The following LMO7 variants were observed in gnomAD, a reference collection of about 807,000 sequenced individuals.
The protein encoded by LMO7 is LIM domain 7.
A neutral mutation model predicts 206.5 loss-of-function variants in LMO7; 120 were observed. The ratio of observed to expected loss-of-function variants is 0.58; its 90% CI spans 0.50 to 0.68. The LOEUF is 0.68. Among genes scored for constraint, LMO7 ranks in the 30% least tolerant of loss-of-function variants. The probability of loss-of-function intolerance (pLI) is 0.00; values close to 1 mark genes in which losing one functional copy is unlikely to be tolerated. For synonymous variants in LMO7, 706 were observed against 681.5 expected, an observed-to-expected ratio of 1.04 and a Z score of -0.56; for missense variants, 1,959 against 1,957.9, an observed-to-expected ratio of 1.00 and a Z score of -0.01.
intron 1 of LMO7, among the ~76,000 whole-genome samples, chr13:75,709,300 T>TGG (rs1486775687): frequency 6.6e-6 from 1 of 152,240 alleles, no homozygotes; most frequent in Non-Finnish European, 1.5e-5. Flanking sequence ...TATAATCCTT[T>TGG]GGGTATATAC....
rs7988661 is a variant in LMO7 at position 75,853,211 on chromosome 13, C to T, written c.4484C>T (p.Pro1495Leu). 14 of 1,613,900 alleles carry T rather than the reference C, an allele frequency of 8.7e-6. No individual in the cohort carries two copies. Among genetic ancestry groups the T allele is most frequent in the South Asian group, 1.1e-5 (1 of 91,080 alleles). ...TCTGTGCAAGACTTTAGTCGCCCACCACCTCAGCTGGTGTCCACATCAAAC... is the reference window on the plus strand; with the variant it reads ...TCTGTGCAAGACTTTAGTCGCCCACTACCTCAGCTGGTGTCCACATCAAAC... ...SSSVQDFSRP[P>L]PQLVSTSNRA... The change falls in exon 28 of 31, where the codon CCA becomes CTA. Residue 1495 changes from proline (P) to leucine (L), a missense_variant. Physicochemically the swap from Pro to Leu is moderately conservative, Grantham distance 98. Coordinates refer to ENST00000377534, the MANE Select transcript of LMO7 (RefSeq NM_001306080.2).
At chr13:75,764,691 C>G (rs764148722) in intron 4 of LMO7, among the ~76,000 whole-genome samples, 8 of 152,094 alleles carry the variant, frequency 5.3e-5, no homozygotes, top group Non-Finnish European at 7.4e-5. Context: ...AAATTTTAAG[C>G]TGAGAAATTG....
chr13:75,743,678 C>T (rs1237385883), intron 3 of LMO7, among the ~76,000 whole-genome samples: 1 of 152,036 alleles, frequency 6.6e-6, no homozygotes, highest in Admixed American at 6.6e-5. Context: ...AGGAGAACAA[C>T]AGGCACTGAG....
intron 4 of LMO7, among the ~76,000 whole-genome samples, chr13:75,794,759 A>G (rs984312158): frequency 1.3e-5 from 2 of 152,172 alleles, no homozygotes; most frequent in Non-Finnish European, 2.9e-5. Flanking sequence ...AACTTCTCCC[A>G]TAAGTATCAT....
rs2050026435 is a variant in LMO7 at position 75,773,660 on chromosome 13, CAG to C, written c.317+12624_317+12625del. Among the ~76,000 whole-genome samples the C allele has an allele frequency of 3.3e-5, 5 of 152,210 alleles. No homozygotes were observed. The South Asian group carries it at 1.0e-3, about 32-fold the overall frequency. ...TGAGCTGTGCAACCATTAAAAGAAA[CAG>C]AAAAGGTAGCTGATTTGGAGGCAAG... On this transcript the variant is annotated intron_variant, in intron 4 of 30. Transcript: ENST00000377534.
At chr13:75,663,723 C>A (rs1048976731) in intron 1 of LMO7, among the ~76,000 whole-genome samples, 8 of 152,166 alleles carry the variant, frequency 5.3e-5, no homozygotes, top group African/African-American at 1.9e-4. Context: ...AGCCACTGCG[C>A]CTGGCCGTCA....
intron 3 of LMO7, among the ~76,000 whole-genome samples, chr13:75,737,860 A>AAC (rs2046066987): frequency 2.0e-5 from 3 of 147,058 alleles, no homozygotes; most frequent in Admixed American, 6.7e-5. Context: ...AAAAAAAAAA[A>AAC]AAAACACAGT....
At chr13:75,809,351 T>A (rs1166919953) in intron 11 of LMO7, among the ~76,000 whole-genome samples, 168 bp downstream of exon 11, 1 of 152,230 alleles carries the variant, frequency 6.6e-6, no homozygotes, top group African/African-American at 2.4e-5. Flanking sequence ...TATTTCTGTG[T>A]CTTGGTGCCC....
intron 26 of LMO7, among the ~76,000 whole-genome samples, chr13:75,847,942 TG>T (rs1178354977): frequency 6.6e-6 from 1 of 150,846 alleles, no homozygotes; most frequent in Non-Finnish European, 1.5e-5. Flanking sequence ...TGCACTGCCA[TG>T]GGCGATTTAT....
At chr13:75,817,311 G>A in intron 12 of LMO7, 33 bp downstream of exon 12, 1 of 1,364,912 alleles carries the variant, frequency 7.3e-7, no homozygotes, top group Non-Finnish European at 1.0e-6. Flanking sequence ...GGGAGAGAGT[G>A]TATTTGTCTA....
At chr13:75,711,655 C>T (rs1006097195) in intron 1 of LMO7, among the ~76,000 whole-genome samples, 1 of 152,184 alleles carries the variant, frequency 6.6e-6, no homozygotes, top group Non-Finnish European at 1.5e-5. Context: ...GAGAGGAAGC[C>T]AGTACCTCAG....
chr13:75,759,595 G>A lies in LMO7; in HGVS notation c.211-1337G>A, dbSNP rs1190900724. 3.9e-5 allele frequency among the ~76,000 whole-genome samples: 6 copies of A among 152,200 alleles called. No individual in the cohort carries two copies. The East Asian group carries it at 7.7e-4, about 20-fold the overall frequency. On this transcript the variant is annotated intron_variant, in intron 3 of 30. Transcript: ENST00000377534. ...TTCATCTTATTTAAAACGATTCGTG[G>A]ATTTCATCTTTCAGCTAGGTAGTTC... is the stretch of plus-strand genomic sequence containing the variant.
chr13:75,622,714 T>C (rs2274049), intron 1 of LMO7, among the ~76,000 whole-genome samples: 66,833 of 152,162 alleles, frequency 0.44, 16,214 homozygotes, highest in East Asian at 0.63. Context: ...TGCATACTAA[T>C]GGGTCTTGAT....
At chr13:75,795,557 C>A (rs1437613187) in intron 5 of LMO7, 126 bp downstream of exon 5, 8 of 642,156 alleles carry the variant, frequency 1.2e-5, no homozygotes, top group Non-Finnish European at 2.2e-5. Flanking sequence ...ACAAACCAAT[C>A]AGTTACAAAC....
rs1015034395 is a variant in LMO7, at chr13:75,799,338, C to T, written c.463-1346C>T. 5.3e-5 allele frequency among the ~76,000 whole-genome samples: 8 copies of T among 152,250 alleles called. No individual in the cohort carries two copies. The South Asian group carries it at 6.2e-4, about 12-fold the overall frequency. On this transcript the variant is annotated intron_variant, in intron 6 of 30. Coordinates refer to ENST00000377534, the MANE Select transcript of LMO7 (RefSeq NM_001306080.2). ...GTACAACAAATACCCAGATATGCAC[C>T]GTCTGGTTCAATTATTACAATTTTC... is the stretch of plus-strand genomic sequence containing the variant.
chr13:75,751,566 A>C (rs1178301510), intron 3 of LMO7, among the ~76,000 whole-genome samples: 1 of 152,166 alleles, frequency 6.6e-6, no homozygotes, highest in Non-Finnish European at 1.5e-5. Flanking sequence ...GACAGGGAAC[A>C]CTTCCAGGTG....
At position 75,713,178 on chromosome 13, in the gene LMO7, T is replaced by C. The variant is rs2043260065; in HGVS notation, c.70-4T>C. On this transcript the variant is annotated splice_polypyrimidine_tract_variant and splice_region_variant and intron_variant, in intron 1 of 30. Coordinates refer to ENST00000377534, the MANE Select transcript of LMO7 (RefSeq NM_001306080.2). Reference sequence around the variant, plus strand: ...GAAAATTAACAACCAAACCTATCTTTCAGGCAGTAACAGAGAAGAATTTTG... The same window carrying C: ...GAAAATTAACAACCAAACCTATCTTCCAGGCAGTAACAGAGAAGAATTTTG... 6 of 1,611,140 alleles carry C rather than the reference T, an allele frequency of 3.7e-6. No individual in the cohort carries two copies. The highest frequency in any genetic ancestry group is 5.1e-6 in the Non-Finnish European group (6 of 1,178,284).
In LMO7 at chr13:75,821,227, C is replaced by T; in HGVS notation, c.2258C>T (p.Ser753Phe). 1 of 1,613,198 alleles carries T rather than the reference C, an allele frequency of 6.2e-7. No individual in the cohort carries two copies. Among genetic ancestry groups the T allele is most frequent in the South Asian group, 1.1e-5 (1 of 90,896 alleles). ...STVPSRRRMYSFDDVLEEGKR... is the reference protein window; with the variant it reads ...STVPSRRRMYFFDDVLEEGKR... ...GTTCCGTCAAGAAGGAGAATGTATTCTTTTGATGATGTGCTGGAGGAAGGA... is the reference window on the plus strand; with the variant it reads ...GTTCCGTCAAGAAGGAGAATGTATTTTTTTGATGATGTGCTGGAGGAAGGA... Residue 753 changes from serine to phenylalanine, a missense_variant, in exon 14 of 31, where the codon TCT becomes TTT. By Grantham distance (155) the Ser-to-Phe change is radical. Transcript: ENST00000377534.
chr13:75,736,789 A>C (rs751998453), intron 3 of LMO7, among the ~76,000 whole-genome samples: 2 of 152,236 alleles, frequency 1.3e-5, no homozygotes, highest in Non-Finnish European at 2.9e-5. Context: ...AGGATGTTAG[A>C]AGCCTTAGTT....
Sources: allele counts gnomAD v4.1 joint callset (sites outside exome capture counted in the v4.1 genomes callset), GRCh38; gene constraint gnomAD v4.1.1; transcripts MANE v1.5; gene names NCBI Gene and HGNC (gene_info 2026-07-23, HGNC 2026-07-21).